Variants in STK3 observed in about 807,000 individuals in gnomAD.
STK3 encodes serine/threonine kinase 3.
STK3 carries 41 observed loss-of-function variants against 58.0 expected under a neutral mutation model. That is an observed-to-expected ratio of 0.71 (90% CI 0.55 to 0.92). The LOEUF (loss-of-function observed/expected upper bound fraction) is 0.92, where lower values mean the gene tolerates loss of function less well. STK3 is among the 40% of genes least tolerant of loss of function. The probability of loss-of-function intolerance (pLI) is 0.00; values close to 1 mark genes in which losing one functional copy is unlikely to be tolerated. For synonymous variants in STK3, 170 were observed against 191.0 expected (o/e 0.89, Z 0.91); for missense variants, 479 against 602.7 (o/e 0.79, Z 2.15).
intron 7 of STK3, among the ~76,000 whole-genome samples, chr8:98,590,054 G>T (rs968365902): frequency 1.2e-4 from 18 of 152,194 alleles, no homozygotes; most frequent in Non-Finnish European, 1.8e-4. Context: ...GAAATCACCT[G>T]TCTTCTGCGG....
At chr8:98,451,624 G>A (rs1484743541), downstream of STK3, among the ~76,000 whole-genome samples, 1 of 152,178 alleles carries the variant, frequency 6.6e-6, no homozygotes, top group East Asian at 1.9e-4. Context: ...AAGATTGGTG[G>A]AAGAATTGAG....
intron 7 of STK3, among the ~76,000 whole-genome samples, chr8:98,592,349 C>A (rs899560927): frequency 4.6e-5 from 7 of 152,144 alleles, no homozygotes; most frequent in African/African-American, 1.7e-4. Flanking sequence ...TACCATTTCT[C>A]CTCCCTAAAA....
chr8:98,472,772 CTTTA>C (rs752908539), intron 10 of STK3, among the ~76,000 whole-genome samples: 6 of 152,024 alleles, frequency 3.9e-5, no homozygotes, highest in Admixed American at 1.3e-4. Flanking sequence ...TAAAATTTTA[CTTTA>C]TTTTATTTCT....
At chr8:98,415,715 C>A (rs1162791925) in intron 3 of STK3, among the ~76,000 whole-genome samples, 1 of 152,170 alleles carries the variant, frequency 6.6e-6, no homozygotes, top group Non-Finnish European at 1.5e-5. Context: ...ACATGTTCTC[C>A]AACAATTTTC....
chr8:98,923,875 G>GCA (rs1196924737), intron 1 of STK3, among the ~76,000 whole-genome samples: 9 of 147,858 alleles, frequency 6.1e-5, no homozygotes, highest in East Asian at 4.1e-4. Flanking sequence ...GCGCGCGCGC[G>GCA]CGTTGACAAT....
intron 6 of STK3, among the ~76,000 whole-genome samples, chr8:98,638,738 C>A (rs1300800110): frequency 1.3e-5 from 2 of 152,068 alleles, no homozygotes; most frequent in Non-Finnish European, 2.9e-5. Flanking sequence ...GACAGCAACA[C>A]CAGCAAAGAG....
chr8:98,479,299 C>T (rs1821635718), intron 10 of STK3, among the ~76,000 whole-genome samples: 1 of 151,922 alleles, frequency 6.6e-6, no homozygotes, highest in African/African-American at 2.4e-5. Flanking sequence ...CCAGCCTGGC[C>T]AACATGGTGA....
At chr8:98,665,896 G>T (rs1022870452) in intron 6 of STK3, among the ~76,000 whole-genome samples, 8 of 151,708 alleles carry the variant, frequency 5.3e-5, no homozygotes, top group African/African-American at 1.9e-4. Flanking sequence ...GTAGAGACAG[G>T]GTTTCACCAT....
chr8:98,614,740 G>C (rs889097761), intron 6 of STK3, among the ~76,000 whole-genome samples: 11 of 152,256 alleles, frequency 7.2e-5, no homozygotes, highest in Middle Eastern at 3.4e-3. Context: ...CGAATACTGC[G>C]CTTTTCAGAC....
In STK3 at chr8:98,719,179, G is replaced by A. The variant is rs191499723; in HGVS notation, c.352-11868C>T. On this transcript the variant is annotated intron_variant, in intron 4 of 10. Coordinates refer to ENST00000419617, the MANE Select transcript of STK3 (RefSeq NM_006281.4). ...GTGGGCAAGGTGGTGGTGCTGTCAT[G>A]TGCACCTAGCTTTTCTCGTCTGTCC... Among the ~76,000 whole-genome samples, 540 of 152,218 alleles carry A rather than the reference G, an allele frequency of 3.5e-3. 2 individuals are homozygous for A. Among genetic ancestry groups the A allele is most frequent in the African/African-American group, 0.012 (513 of 41,530 alleles).
intron 3 of STK3, among the ~76,000 whole-genome samples, chr8:98,425,033 G>A (rs1002575074): frequency 3.9e-5 from 6 of 152,288 alleles, no homozygotes; most frequent in South Asian, 2.1e-4. Context: ...TCACCCCGCC[G>A]AAGGTGTGGA....
exon 1 of STK3, chr8:98,942,453 T>A (rs1412725587): frequency 6.6e-6 from 1 of 152,158 alleles, no homozygotes; most frequent in Non-Finnish European, 1.5e-5. Flanking sequence ...CAGGCTGGCG[T>A]GGACGAAGTA....
intron 3 of STK3, among the ~76,000 whole-genome samples, chr8:98,872,956 G>C (rs545538204): frequency 6.6e-6 from 1 of 152,254 alleles, no homozygotes; most frequent in African/African-American, 2.4e-5. Flanking sequence ...GATCTTTCCT[G>C]CTTTCTCTTG....
chr8:98,661,447 G>A (rs896262215), intron 6 of STK3, among the ~76,000 whole-genome samples: 1 of 151,924 alleles, frequency 6.6e-6, no homozygotes, highest in Non-Finnish European at 1.5e-5. Context: ...CCTTAATCCA[G>A]GGTATCATCA....
At chr8:98,806,124 A>G (rs1458412709) in intron 1 of STK3, among the ~76,000 whole-genome samples, 1 of 152,224 alleles carries the variant, frequency 6.6e-6, no homozygotes, top group Non-Finnish European at 1.5e-5. Context: ...AAAGATATGG[A>G]TCATGTCTTA....
At chr8:98,931,761 C>T in intron 1 of STK3, among the ~76,000 whole-genome samples, 1 of 152,208 alleles carries the variant, frequency 6.6e-6, no homozygotes, top group East Asian at 1.9e-4. Context: ...GAATACACAA[C>T]AATCTCCTTT....
chr8:98,713,000 A>G (rs2131123727), intron 4 of STK3, among the ~76,000 whole-genome samples: 1 of 152,338 alleles, frequency 6.6e-6, no homozygotes, highest in South Asian at 2.1e-4. Flanking sequence ...CCGCTCAACT[A>G]CATGGAAACT....
intron 1 of STK3, among the ~76,000 whole-genome samples, chr8:98,891,109 T>C (rs1472819246): frequency 6.6e-6 from 1 of 152,242 alleles, no homozygotes; most frequent in Admixed American, 6.5e-5. Context: ...ATGTGCCAGC[T>C]AAGAGCCTCT....
rs539570922 is a variant in STK3, at chr8:98,424,417, G to A, written n.483+9710C>T. Among the ~76,000 whole-genome samples the A allele has an allele frequency of 2.0e-4, 30 of 152,330 alleles. 2 individuals carry two copies. The highest frequency in any genetic ancestry group is 5.8e-4 in the East Asian group (3 of 5,178). ...CAGCTGGGGAAGGGGACAAGGGGGA[G>A]GGAGAGAGGGAGGAAGGTAGGAGGT... On this transcript the variant is annotated intron_variant and non_coding_transcript_variant, in intron 3 of 3. Transcript: ENST00000517832.
Sources: allele counts gnomAD v4.1 joint callset (sites outside exome capture counted in the v4.1 genomes callset), GRCh38; gene constraint gnomAD v4.1.1; transcripts MANE v1.5; gene names NCBI Gene and HGNC (gene_info 2026-07-23, HGNC 2026-07-21).